The following BTNL8 variants were observed in gnomAD, a reference collection of about 807,000 sequenced individuals.
BTNL8 encodes butyrophilin-like protein 8.
Under a neutral mutation model 36.1 loss-of-function variants are expected in BTNL8, and 22 were observed. The ratio of observed to expected loss-of-function variants is 0.61; its 90% CI spans 0.44 to 0.87. The LOEUF (loss-of-function observed/expected upper bound fraction) is 0.87. Among genes scored for constraint, BTNL8 ranks in the 40% least tolerant of loss-of-function variants. BTNL8 has a pLI of 0.00. For synonymous variants in BTNL8, 203 were observed against 235.6 expected (o/e 0.86, Z 1.27); for missense variants, 526 against 616.9 (o/e 0.85, Z 1.56).
intron 1 of BTNL8, among the ~76,000 whole-genome samples, chr5:180,903,296 G>A (rs1199262445): frequency 2.6e-5 from 3 of 116,310 alleles, no homozygotes; most frequent in Non-Finnish European, 5.1e-5. Flanking sequence ...ATTTTTTCAT[G>A]TGTTTTTTGG....
intron 1 of BTNL8, 126 bp downstream of exon 1, chr5:180,899,485 C>A: frequency 1.8e-6 from 2 of 1,102,342 alleles, no homozygotes; most frequent in Non-Finnish European, 2.7e-6. Context: ...CTAGCCTCAG[C>A]CTGGGGAAGG....
In BTNL8 at chr5:180,921,660, TACACACACAC is replaced by T. The variant is rs201708722; in HGVS notation, c.673+10072_673+10081del. The stretch of plus-strand genomic sequence containing the variant: ...GGTAGATCTTATATTCTGCTCATAC[TACACACACAC>T]ACACACACACACACACACACACACA... On this transcript the variant is annotated intron_variant, in intron 3 of 7. Coordinates refer to ENST00000340184, the MANE Select transcript of BTNL8 (RefSeq NM_001040462.3). Among the ~76,000 whole-genome samples, 256 of 146,200 alleles carry T rather than the reference TACACACACAC, an allele frequency of 1.8e-3. 1 individual carries two copies. The highest frequency in any genetic ancestry group is 2.8e-3 in the Admixed American group (41 of 14,704).
intron 3 of BTNL8, among the ~76,000 whole-genome samples, chr5:180,922,297 G>C (rs1466748750): frequency 6.6e-6 from 1 of 151,844 alleles, no homozygotes; most frequent in Non-Finnish European, 1.5e-5. Context: ...TTCTTAAATT[G>C]AGATCTTTCT....
intron 3 of BTNL8, among the ~76,000 whole-genome samples, chr5:180,938,762 G>T (rs1490958396): frequency 6.6e-6 from 1 of 151,824 alleles, no homozygotes; most frequent in African/African-American, 2.4e-5. Flanking sequence ...GGTAACAGCA[G>T]ATTTCTTAAC....
chr5:180,940,565 T>C (rs1483863754), intron 3 of BTNL8, among the ~76,000 whole-genome samples: 1 of 150,768 alleles, frequency 6.6e-6, no homozygotes, highest in Non-Finnish European at 1.5e-5. Context: ...AGAGGAGAAA[T>C]AAATGAAATA....
At chr5:180,936,848 G>A (rs559539224) in intron 3 of BTNL8, among the ~76,000 whole-genome samples, 12 of 152,140 alleles carry the variant, frequency 7.9e-5, no homozygotes, top group African/African-American at 2.2e-4. Context: ...CCAGTGAGCC[G>A]AAACTTTCAA....
chr5:180,899,710 T>C (rs1349102525), intron 1 of BTNL8, among the ~76,000 whole-genome samples: 1 of 152,138 alleles, frequency 6.6e-6, no homozygotes, highest in African/African-American at 2.4e-5. Context: ...GTTAGGATTT[T>C]TGGGGAAAAG....
intron 1 of BTNL8, among the ~76,000 whole-genome samples, chr5:180,902,611 G>A (rs1291431568): frequency 6.6e-6 from 1 of 150,712 alleles, no homozygotes; most frequent in African/African-American, 2.5e-5. Flanking sequence ...TGCCATGCTG[G>A]TGCGCTGCAC....
intron 3 of BTNL8, among the ~76,000 whole-genome samples, chr5:180,946,158 G>A (rs1424592848): frequency 6.6e-6 from 1 of 152,134 alleles, no homozygotes; most frequent in Non-Finnish European, 1.5e-5. Flanking sequence ...CAAGGATGCT[G>A]AGAAAAGGAA....
intron 3 of BTNL8, among the ~76,000 whole-genome samples, chr5:180,942,915 A>G (rs1424724759): frequency 2.0e-5 from 3 of 152,138 alleles, no homozygotes; most frequent in African/African-American, 7.2e-5. Context: ...ACCACAGACA[A>G]TAAAAGCAGA....
chr5:180,911,368 A>G lies in BTNL8; in HGVS notation c.427A>G (p.Thr143Ala), dbSNP rs2276995. The G allele has an allele frequency of 0.39, 622,612 of 1,613,638 alleles. 123,834 individuals are homozygous for G. The highest frequency in any genetic ancestry group is 0.63 in the African/African-American group (47,443 of 74,902). ...ALGSVPLISI[T>A]GYVDRDIQLL... is the part of the protein sequence containing the mutation. ...GGGCTCAGTTCCTCTCATTTCCATC[A>G]CGGGATATGTTGATAGAGACATCCA... is the stretch of plus-strand genomic sequence containing the variant. The change falls in exon 3 of 8, where the codon ACG becomes GCG. Residue 143 changes from threonine to alanine, a missense_variant. This residue lies in a region of BTNL8 where 350 missense variants were observed against 324.6 expected (regional missense o/e 1.08). Transcript: ENST00000340184.
intron 1 of BTNL8, among the ~76,000 whole-genome samples, chr5:180,905,784 AC>A (rs1369418867): frequency 3.4e-5 from 5 of 149,106 alleles, no homozygotes; most frequent in Non-Finnish European, 7.4e-5. Flanking sequence ...TTCGTTATGT[AC>A]CCAGTAGTCA....
At chr5:180,948,299 T>C (rs962066181) in intron 4 of BTNL8, 56 bp from the exon 5 acceptor site, 1 of 1,463,800 alleles carries the variant, frequency 6.8e-7, no homozygotes, top group African/African-American at 1.4e-5. Context: ...GCCAGCGTCG[T>C]GTTTGTGCCT....
intron 3 of BTNL8, among the ~76,000 whole-genome samples, chr5:180,936,240 C>A (rs1395480427): frequency 6.6e-6 from 1 of 152,020 alleles, no homozygotes; most frequent in Non-Finnish European, 1.5e-5. Flanking sequence ...ATGTCCTAAC[C>A]AGCACAGTTA....
At position 180,939,596 on chromosome 5, in the gene BTNL8, T is replaced by C. The variant is rs184976214; in HGVS notation, c.674-7916T>C. Among the ~76,000 whole-genome samples the C allele has an allele frequency of 5.0e-4, 76 of 152,258 alleles. No homozygotes were observed. The East Asian group carries it at 0.013, about 26-fold the overall frequency. Reference sequence around the variant, plus strand: ...ATCTAAAGGGAAAGGTAGATCCCAATACATTAATTAATGTAATGTCTAGCT... The same window carrying C: ...ATCTAAAGGGAAAGGTAGATCCCAACACATTAATTAATGTAATGTCTAGCT... On this transcript the variant is annotated intron_variant, in intron 3 of 7. Coordinates refer to ENST00000340184, the MANE Select transcript of BTNL8 (RefSeq NM_001040462.3).
chr5:180,941,512 C>T (rs1758952131), intron 3 of BTNL8, among the ~76,000 whole-genome samples: 1 of 152,012 alleles, frequency 6.6e-6, no homozygotes, highest in Non-Finnish European at 1.5e-5. Context: ...TGCTACAGGC[C>T]AATATTCATT....
chr5:180,907,310 C>G (rs1277893540), intron 1 of BTNL8, among the ~76,000 whole-genome samples: 5 of 122,566 alleles, frequency 4.1e-5, no homozygotes, highest in Non-Finnish European at 8.2e-5. Context: ...TCCAGTTGAT[C>G]GCATCGGCTC....
At chr5:180,926,854 T>G (rs1758125461) in intron 3 of BTNL8, among the ~76,000 whole-genome samples, 1 of 152,192 alleles carries the variant, frequency 6.6e-6, no homozygotes, top group Non-Finnish European at 1.5e-5. Flanking sequence ...CCCATCTCCC[T>G]GGGACAGAGC....
chr5:180,923,425 A>G (rs969288372), intron 3 of BTNL8, among the ~76,000 whole-genome samples: 1 of 152,198 alleles, frequency 6.6e-6, no homozygotes, highest in African/African-American at 2.4e-5. Context: ...AAACATATAT[A>G]AGTTTCAACA....
Sources: gnomAD v4.1 joint callset for allele counts (sites outside exome capture counted in the v4.1 genomes callset) on GRCh38, gnomAD v4.1.1 for gene constraint, gnomAD v4.1.1 regional missense constraint, MANE v1.5 for transcripts, NCBI Gene and HGNC (gene_info 2026-07-23, HGNC 2026-07-21) for gene names.